DOCK8: variants seen among roughly 807,000 people sequenced by gnomAD.
DOCK8 encodes the protein dedicator of cytokinesis protein 8.
DOCK8 carries 141 observed loss-of-function variants against 245.6 expected under a neutral mutation model. The observed-to-expected ratio is 0.57, with a 90% confidence interval of 0.50 to 0.66. The LOEUF is 0.66. Ranked by LOEUF, DOCK8 falls within the 30% of genes least tolerant of loss-of-function variation. The probability of loss-of-function intolerance (pLI) is 0.00; values close to 1 mark genes in which losing one functional copy is unlikely to be tolerated. For synonymous variants in DOCK8, 1,168 were observed against 970.2 expected (o/e 1.20, Z -3.79); for missense variants, 2,965 against 2,603.4 (o/e 1.14, Z -3.02).
intron 2 of DOCK8, among the ~76,000 whole-genome samples, chr9:279,097 T>A (rs1452845284): frequency 1.3e-5 from 2 of 152,180 alleles, no homozygotes; most frequent in African/African-American, 2.4e-5. Context: ...GATTTTCTGA[T>A]GGGTGATATG....
Position 417,925 on chromosome 9 carries a change from A to G in DOCK8, c.3701-143A>G, listed in dbSNP as rs79169651. On this transcript the variant is annotated intron_variant, in intron 29 of 47. Transcript: ENST00000432829. ...AGCCTGCTGTGTTTTCCTATAGGTG[A>G]TAGCAGATACATAATGCTAAACATC... The G allele has an allele frequency of 1.4e-3, 1,372 of 962,072 alleles. 14 individuals carry two copies. The African/African-American group carries it at 0.02, about 14-fold the overall frequency. The allele number at this position is 962,072 out of a possible 1,614,324, so 59.6% of individuals were successfully genotyped here.
At chr9:276,238 T>C (rs944218342) in intron 2 of DOCK8, among the ~76,000 whole-genome samples, 14 of 152,200 alleles carry the variant, frequency 9.2e-5, no homozygotes, top group African/African-American at 3.4e-4. Flanking sequence ...GGGGGGAATA[T>C]ATAAAGAAAG....
intron 3 of DOCK8, among the ~76,000 whole-genome samples, chr9:286,979 G>A (rs546407280): frequency 1.3e-5 from 2 of 152,144 alleles, no homozygotes; most frequent in South Asian, 2.1e-4. Flanking sequence ...CCAAATCCTC[G>A]GTTTCTCCAT....
rs2056235240 is a variant in DOCK8, at chr9:420,556, C to T, written c.3996C>T (p.Phe1332=). Residue 1332 remains phenylalanine (F), a synonymous_variant, in exon 31 of 48, where the codon TTC becomes TTT. Coordinates refer to ENST00000432829, the MANE Select transcript of DOCK8 (RefSeq NM_203447.4). ...TQLNRILDLL[F]ICVLCFEYKG... ...TCAACAGGATTTTAGATCTACTTTT[C>T]ATCTGTGTGTTATGTTTTGAGTATA... The T allele has an allele frequency of 1.2e-6, 2 of 1,614,188 alleles. No individual in the cohort carries two copies. The highest frequency in any genetic ancestry group is 1.7e-6 in the Non-Finnish European group (2 of 1,180,056).
At chr9:446,119 C>T (rs764653788) in intron 43 of DOCK8, among the ~76,000 whole-genome samples, 23 of 152,200 alleles carry the variant, frequency 1.5e-4, no homozygotes, top group Admixed American at 3.3e-4. Context: ...GTTTGCTCTG[C>T]TAGGAAGGTG....
intron 7 of DOCK8, among the ~76,000 whole-genome samples, chr9:318,044 T>C (rs535311458): frequency 3.5e-4 from 53 of 152,314 alleles, no homozygotes; most frequent in Non-Finnish European, 2.1e-4. Flanking sequence ...ATCTACATTA[T>C]AAAACATAAT....
intron 5 of DOCK8, 71 bp downstream of exon 5, chr9:304,775 CA>C: frequency 1.2e-6 from 2 of 1,605,492 alleles, no homozygotes; most frequent in Non-Finnish European, 1.7e-6. Flanking sequence ...GTCAGTTTTA[CA>C]AACTAGAATA....
intron 4 of DOCK8, among the ~76,000 whole-genome samples, chr9:301,851 C>A (rs181549220): frequency 6.6e-6 from 1 of 152,036 alleles, no homozygotes; most frequent in South Asian, 2.1e-4. Context: ...AGAGGTGATA[C>A]AAACAAATGG....
rs2053665244 is a variant in DOCK8 at position 379,765 on chromosome 9, C to A, written c.2441-6C>A. ...GGGACTACCCATTTTTCTCTTGGTT[C>A]CTCAGCCAACTTCTCCCAGTTTGCC... On this transcript the variant is annotated splice_polypyrimidine_tract_variant and splice_region_variant and intron_variant, in intron 20 of 47. Transcript: ENST00000432829. 6.2e-7 allele frequency: 1 copy of A among 1,614,078 alleles called. No individual in the cohort carries two copies. The highest frequency in any genetic ancestry group is 1.3e-5 in the African/African-American group (1 of 74,946).
At chr9:408,537 A>C (rs1383345932) in intron 28 of DOCK8, among the ~76,000 whole-genome samples, 1 of 152,224 alleles carries the variant, frequency 6.6e-6, no homozygotes, top group Non-Finnish European at 1.5e-5. Context: ...CCACAGCAAC[A>C]AAAAGTGCAC....
At position 418,102 on chromosome 9, in the gene DOCK8, G is replaced by A. The variant is rs753731620; in HGVS notation, c.3735G>A (p.Ser1245=). The A allele has an allele frequency of 2.0e-5, 33 of 1,613,070 alleles. No homozygotes were observed. Among genetic ancestry groups the A allele is most frequent in the Admixed American group, 3.3e-5 (2 of 59,994 alleles). The part of the protein sequence containing the change: ...ADTRRYRTSG[S]DEEQEGAGAI... Reference sequence around the variant, plus strand: ...CTCGCAGATACCGCACCAGTGGCTCGGATGAAGAACAAGAAGGAGCCGGTG... The same window carrying A: ...CTCGCAGATACCGCACCAGTGGCTCAGATGAAGAACAAGAAGGAGCCGGTG... The change falls in exon 30 of 48, where the codon TCG becomes TCA. Residue 1245 remains serine (S), a synonymous_variant. Coordinates refer to ENST00000432829, the MANE Select transcript of DOCK8 (RefSeq NM_203447.4).
intron 4 of DOCK8, among the ~76,000 whole-genome samples, chr9:291,962 C>T (rs369301192): frequency 8.8e-5 from 13 of 148,054 alleles, no homozygotes; most frequent in East Asian, 6.0e-4. Context: ...CCTAGCTACT[C>T]GGGAGGCTGA....
At chr9:314,528 C>G (rs538213124) in intron 6 of DOCK8, 1 of 152,286 alleles carries the variant, frequency 6.6e-6, no homozygotes, top group South Asian at 2.1e-4. Flanking sequence ...TCCATTGGGA[C>G]TGAATGTTAT....
At chr9:439,491 C>T (rs1276733295) in intron 40 of DOCK8, 103 bp downstream of exon 40, 18 of 1,494,078 alleles carry the variant, frequency 1.2e-5, no homozygotes, top group African/African-American at 2.8e-5. Context: ...CCCCACTTCC[C>T]GAGGACACGT....
chr9:411,547 C>T (rs1029054358), intron 28 of DOCK8, among the ~76,000 whole-genome samples: 30 of 152,020 alleles, frequency 2.0e-4, no homozygotes, highest in African/African-American at 7.2e-4. Context: ...TACCAACTTC[C>T]AGTCTTCTCT....
intron 3 of DOCK8, among the ~76,000 whole-genome samples, chr9:287,228 T>TA (rs2048859644): frequency 6.6e-6 from 1 of 152,204 alleles, no homozygotes; most frequent in Non-Finnish European, 1.5e-5. Flanking sequence ...AATAAATATG[T>TA]GAATAGCTAA....
chr9:404,436 C>A (rs780330295), intron 26 of DOCK8, among the ~76,000 whole-genome samples: 3 of 152,152 alleles, frequency 2.0e-5, no homozygotes, highest in Admixed American at 6.5e-5. Flanking sequence ...CTCTAGGGAA[C>A]TGGTTCTACA....
At chr9:305,325 C>G (rs2049770377) in intron 5 of DOCK8, among the ~76,000 whole-genome samples, 1 of 151,774 alleles carries the variant, frequency 6.6e-6, no homozygotes, top group African/African-American at 2.4e-5. Flanking sequence ...CTCTGTCGCC[C>G]AGGCTGGACT....
intron 2 of DOCK8, among the ~76,000 whole-genome samples, chr9:284,788 G>A (rs1044394656): frequency 1.8e-4 from 27 of 152,190 alleles, no homozygotes; most frequent in African/African-American, 6.3e-4. Context: ...CATGCCTTTT[G>A]TGGGAACATG....
Sources: gnomAD v4.1 joint callset for allele counts (sites outside exome capture counted in the v4.1 genomes callset) on GRCh38, gnomAD v4.1.1 for gene constraint, MANE v1.5 for transcripts, NCBI Gene and HGNC (gene_info 2026-07-23, HGNC 2026-07-21) for gene names.